Variants in LRP1B observed in about 807,000 individuals in gnomAD.
The protein encoded by LRP1B is low-density lipoprotein receptor-related protein 1B.
LRP1B carries 217 observed loss-of-function variants against 556.6 expected under a neutral mutation model. The ratio of observed to expected loss-of-function variants is 0.39; its 90% CI spans 0.35 to 0.44. The LOEUF (loss-of-function observed/expected upper bound fraction) is 0.44, where lower values mean the gene tolerates loss of function less well. Among genes scored for constraint, LRP1B ranks in the 20% least tolerant of loss-of-function variants. The pLI, the probability that LRP1B is intolerant of heterozygous loss-of-function variation, is 1.00. For missense variants in LRP1B, 5,053 were observed against 5,620.8 expected, an observed-to-expected ratio of 0.90 and a Z score of 3.23; for synonymous variants, 2,047 against 1,865.8, an observed-to-expected ratio of 1.10 and a Z score of -2.50.
chr2:140,439,980 CTCTT>C (rs1182543467), intron 66 of LRP1B, among the ~76,000 whole-genome samples: 4 of 152,060 alleles, frequency 2.6e-5, no homozygotes, highest in African/African-American at 7.2e-5. Flanking sequence ...GTGCTTCTCT[CTCTT>C]TCTCTTGCTT....
intron 21 of LRP1B, among the ~76,000 whole-genome samples, chr2:140,910,736 C>G (rs1461966072): frequency 6.6e-6 from 1 of 151,722 alleles, no homozygotes; most frequent in Non-Finnish European, 1.5e-5. Context: ...ACTAAAATAA[C>G]TAGTTGACAT....
chr2:141,653,548 C>T (rs896050402), intron 2 of LRP1B, among the ~76,000 whole-genome samples: 2 of 152,194 alleles, frequency 1.3e-5, no homozygotes, highest in Non-Finnish European at 2.9e-5. Flanking sequence ...TGTATCAATT[C>T]TTAGTTAAAT....
chr2:140,426,334 G>T (rs984905332), intron 66 of LRP1B, among the ~76,000 whole-genome samples: 6 of 152,102 alleles, frequency 3.9e-5, no homozygotes, highest in African/African-American at 1.4e-4. Flanking sequence ...GTATATTTTT[G>T]CTTATATTGT....
intron 7 of LRP1B, among the ~76,000 whole-genome samples, chr2:141,122,411 A>G (rs1367035718): frequency 2.3e-5 from 2 of 88,264 alleles, no homozygotes; most frequent in Non-Finnish European, 5.5e-5. Flanking sequence ...ACAAGAAAAA[A>G]AAAAAAAAAC....
At position 140,577,797 on chromosome 2, in the gene LRP1B, C is replaced by G. The variant is rs532314463; in HGVS notation, c.7194+20834G>C. ...AATTCCTTATTTTTTAAATTTTGAT[C>G]AAAATCAGTTTTTTGCCTTCAAATT... On this transcript the variant is annotated intron_variant, in intron 43 of 90. Transcript: ENST00000389484. Among the ~76,000 whole-genome samples, 199 of 152,122 alleles carry G rather than the reference C, an allele frequency of 1.3e-3. 5 individuals carry two copies. Among genetic ancestry groups the G allele is most frequent in the Admixed American group, 0.013 (194 of 15,286 alleles).
rs2105707822 is a variant in LRP1B, at chr2:141,810,398, T to C, written c.86A>G (p.Gln29Arg). ...AAATTCACCAGGATCACACAACTGCTGATCTGAAAATGAAAATGTTTCGAA... is the reference window on the plus strand; with the variant it reads ...AAATTCACCAGGATCACACAACTGCCGATCTGAAAATGAAAATGTTTCGAA... ...RVLTVGADRD[Q>R]QLCDPGEFLC... is the part of the protein sequence containing the mutation. Residue 29 changes from glutamine to arginine, a missense_variant, in exon 2 of 91, where the codon CAG becomes CGG. Physicochemically the swap from Gln to Arg is conservative, Grantham distance 43. This residue lies in a region of LRP1B where 3,619 missense variants were observed against 3,931.9 expected (regional missense o/e 0.92). Coordinates refer to ENST00000389484, the MANE Select transcript of LRP1B (RefSeq NM_018557.3). 1.2e-6 allele frequency: 2 copies of C among 1,612,812 alleles called. No homozygotes were observed. The highest frequency in any genetic ancestry group is 1.1e-5 in the South Asian group (1 of 91,038).
At chr2:141,527,349 G>A (rs1217799572) in intron 2 of LRP1B, among the ~76,000 whole-genome samples, 1 of 151,592 alleles carries the variant, frequency 6.6e-6, no homozygotes, top group East Asian at 1.9e-4. Flanking sequence ...GTAAAGACAT[G>A]ATGTATAAAA....
rs148275860 is a variant in LRP1B at position 141,935,599 on chromosome 2, T to C, written c.83-125198A>G. 2.7e-3 allele frequency among the ~76,000 whole-genome samples: 413 copies of C among 152,252 alleles called. 1 individual carries two copies. The highest frequency in any genetic ancestry group is 9.2e-3 in the African/African-American group (382 of 41,556). ...GTAGAATAATTAAATCTAAGCTTATTAATACTTGAAATATAGATGAAAAAA... is the reference window on the plus strand; with the variant it reads ...GTAGAATAATTAAATCTAAGCTTATCAATACTTGAAATATAGATGAAAAAA... On this transcript the variant is annotated intron_variant, in intron 1 of 90. Coordinates refer to ENST00000389484, the MANE Select transcript of LRP1B (RefSeq NM_018557.3).
chr2:140,670,407 G>T (rs557952367), intron 41 of LRP1B, among the ~76,000 whole-genome samples: 2 of 152,156 alleles, frequency 1.3e-5, no homozygotes, highest in African/African-American at 4.8e-5. Context: ...GTAAGATAAA[G>T]GCGAGGAAAG....
At chr2:141,711,634 C>T (rs1352836878) in intron 2 of LRP1B, among the ~76,000 whole-genome samples, 5 of 152,126 alleles carry the variant, frequency 3.3e-5, no homozygotes, top group Non-Finnish European at 5.9e-5. Context: ...ATAAAATTCC[C>T]TTTAATATAG....
intron 41 of LRP1B, among the ~76,000 whole-genome samples, chr2:140,640,144 G>C (rs943755510): frequency 1.4e-5 from 2 of 147,172 alleles, no homozygotes; most frequent in Non-Finnish European, 3.0e-5. Flanking sequence ...CTGGGACTAC[G>C]GGCGCCCGCC....
At chr2:140,257,604 G>T (rs146387659) in intron 86 of LRP1B, among the ~76,000 whole-genome samples, 258 of 152,272 alleles carry the variant, frequency 1.7e-3, no homozygotes, top group African/African-American at 6.1e-3. Flanking sequence ...CATGGTGAAA[G>T]CTAAAGTAAC....
At chr2:140,420,093 T>C (rs1685371624) in intron 66 of LRP1B, among the ~76,000 whole-genome samples, 1 of 151,076 alleles carries the variant, frequency 6.6e-6, no homozygotes. Flanking sequence ...TGAAAATATA[T>C]GAGCCGATGC....
intron 87 of LRP1B, among the ~76,000 whole-genome samples, chr2:140,244,422 C>T (rs1040072400): frequency 4.6e-5 from 7 of 151,110 alleles, no homozygotes; most frequent in African/African-American, 9.7e-5. Context: ...ATAATTTCAG[C>T]GGATACAACA....
At chr2:141,172,262 G>A (rs72980130) in intron 7 of LRP1B, among the ~76,000 whole-genome samples, 4,529 of 152,062 alleles carry the variant, frequency 0.03, 215 homozygotes, top group African/African-American at 0.1. Flanking sequence ...ATGTAGTATT[G>A]CATTATAACA....
At chr2:141,286,657 A>G (rs1378786941) in intron 3 of LRP1B, 4 of 426,544 alleles carry the variant, frequency 9.4e-6, no homozygotes, top group African/African-American at 6.1e-5. Context: ...GAGAGATAAC[A>G]TCTTTAAAAG....
chr2:140,267,133 G>A (rs931576706), intron 86 of LRP1B, among the ~76,000 whole-genome samples: 1 of 151,986 alleles, frequency 6.6e-6, no homozygotes, highest in African/African-American at 2.4e-5. Flanking sequence ...TATGTGAAGG[G>A]TTTAACACAG....
intron 2 of LRP1B, among the ~76,000 whole-genome samples, chr2:141,699,837 G>A (rs774590616): frequency 4.0e-5 from 6 of 148,850 alleles, no homozygotes; most frequent in Non-Finnish European, 6.0e-5. Context: ...AAATGAAACC[G>A]TTGACACTAG....
rs201943916 is a variant in LRP1B at position 140,989,664 on chromosome 2, G to A, written c.2645-7C>T. 955 of 1,611,860 alleles carry A rather than the reference G, an allele frequency of 5.9e-4. 18 individuals are homozygous for A. The South Asian group carries it at 8.1e-3, about 14-fold the overall frequency. On this transcript the variant is annotated splice_polypyrimidine_tract_variant and splice_region_variant and intron_variant, in intron 16 of 90. Coordinates refer to ENST00000389484, the MANE Select transcript of LRP1B (RefSeq NM_018557.3). ...TCAGGACAGCTATGATTGACTGGGA[G>A]GGAGGGGGAAGCAAGATTAATTATT...
Sources: allele counts gnomAD v4.1 joint callset (sites outside exome capture counted in the v4.1 genomes callset), GRCh38; gene constraint gnomAD v4.1.1; regional missense constraint gnomAD v4.1.1; transcripts MANE v1.5; gene names NCBI Gene and HGNC (gene_info 2026-07-23, HGNC 2026-07-21).